The following CPLANE1 variants were observed in gnomAD, a reference collection of about 807,000 sequenced individuals.
CPLANE1 encodes the protein ciliogenesis and planar polarity effector complex subunit 1.
CPLANE1 carries 263 observed loss-of-function variants against 362.5 expected under a neutral mutation model. The observed-to-expected ratio is 0.73, with a 90% CI of 0.66 to 0.80. CPLANE1 has a LOEUF of 0.80. Among genes scored for constraint, CPLANE1 ranks in the 30% least tolerant of loss-of-function variants. The pLI, the probability that CPLANE1 is intolerant of heterozygous loss-of-function variation, is 0.00. For synonymous variants in CPLANE1, 1,212 were observed against 1,302.6 expected (o/e 0.93, Z 1.50); for missense variants, 3,461 against 3,793.4 (o/e 0.91, Z 2.30).
chr5:37,139,961 T>C, intron 44 of CPLANE1: 4 of 978,246 alleles, frequency 4.1e-6, no homozygotes, highest in Non-Finnish European at 4.9e-6. Context: ...ATTTACTTTA[T>C]AAAATATACA....
chr5:37,224,525 T>C lies in CPLANE1; in HGVS notation c.2500+7A>G. 1 of 1,526,192 alleles carries C rather than the reference T, an allele frequency of 6.6e-7. No individual in the cohort carries two copies. The highest frequency in any genetic ancestry group is 2.0e-5 in the Admixed American group (1 of 50,912). 94.5% of individuals were successfully genotyped at this position (1,526,192 alleles called of 1,614,324 possible). Reference sequence around the variant, plus strand: ...ATGGAGTTAGAAAATATTCATAAGATACTGACCATTGATAGATTTAAGTTC... The same window carrying C: ...ATGGAGTTAGAAAATATTCATAAGACACTGACCATTGATAGATTTAAGTTC... On this transcript the variant is annotated splice_region_variant and intron_variant, in intron 13 of 52. Transcript: ENST00000651892.
downstream of CPLANE1, among the ~76,000 whole-genome samples, chr5:37,101,489 G>C (rs1000282761): frequency 6.6e-6 from 1 of 152,146 alleles, no homozygotes; most frequent in East Asian, 1.9e-4. Context: ...ATGTGCTGCT[G>C]GATTTGGTTT....
Position 37,183,594 on chromosome 5 carries a change from C to T in CPLANE1, c.4587G>A (p.Lys1529=), listed in dbSNP as rs754449555. The T allele has an allele frequency of 6.2e-7, 1 of 1,612,514 alleles. No homozygotes were observed. Among genetic ancestry groups the T allele is most frequent in the Non-Finnish European group, 8.5e-7 (1 of 1,179,140 alleles). The change falls in exon 26 of 53, where the codon AAG becomes AAA. Residue 1529 remains lysine, a synonymous_variant. Transcript: ENST00000651892. ...ENPTKKEDHE[K]LSQNTLPVIG... is the part of the protein sequence containing the mutation. Reference sequence around the variant, plus strand: ...TTACAGGAAGTGTATTTTGTGATAACTTTTCATGATCTTCTTTCTTTGTAG... The same window carrying T: ...TTACAGGAAGTGTATTTTGTGATAATTTTTCATGATCTTCTTTCTTTGTAG...
chr5:37,134,109 C>T (rs554006977), intron 46 of CPLANE1, among the ~76,000 whole-genome samples: 73 of 152,128 alleles, frequency 4.8e-4, no homozygotes, highest in Non-Finnish European at 9.0e-4. Flanking sequence ...TTATTTTTTC[C>T]TTGGGTCTTC....
chr5:37,122,769 C>T (rs1763026022), intron 47 of CPLANE1, among the ~76,000 whole-genome samples: 1 of 152,086 alleles, frequency 6.6e-6, no homozygotes, highest in African/African-American at 2.4e-5. Context: ...CAAAAATTAG[C>T]TGGGCATGTG....
At position 37,168,916 on chromosome 5, in the gene CPLANE1, T is replaced by C. The variant is rs1561474535; in HGVS notation, c.7108A>G (p.Asn2370Asp). 3.7e-6 allele frequency: 6 copies of C among 1,614,134 alleles called. No homozygotes were observed. The East Asian group carries it at 6.7e-5, about 18-fold the overall frequency. Residue 2370 changes from asparagine (N) to aspartate (D), a missense_variant, in exon 34 of 53, where the codon AAT (asparagine) becomes GAT (aspartate). Around this residue, in one of 2 missense-constraint regions of CPLANE1, gnomAD observed 3,380 missense variants for 3,666.1 expected, o/e 0.92. Transcript: ENST00000651892. ...GCTCTTGAGGTTGATGGAAACATAT[T>C]AGGAGGTTTAAGTGGCAGGTATAGT... Reference protein sequence around the residue: ...PLLYLPLKPPNMFPSTSRASI... With the variant: ...PLLYLPLKPPDMFPSTSRASI...
intron 6 of CPLANE1, among the ~76,000 whole-genome samples, chr5:37,240,778 C>T (rs1800224681): frequency 6.6e-6 from 1 of 152,104 alleles, no homozygotes; most frequent in South Asian, 2.1e-4. Flanking sequence ...TGCAGATTAG[C>T]TAAATAAATT....
intron 50 of CPLANE1, among the ~76,000 whole-genome samples, chr5:37,115,344 G>A (rs993463783): frequency 1.3e-5 from 2 of 152,146 alleles, no homozygotes; most frequent in African/African-American, 4.8e-5. Context: ...AAAAGCTAGG[G>A]ACATAATAAG....
chr5:37,132,446 G>A (rs867175082), intron 46 of CPLANE1, among the ~76,000 whole-genome samples: 6 of 141,368 alleles, frequency 4.2e-5, no homozygotes, highest in Admixed American at 7.8e-5. Context: ...CCAAGTTCAC[G>A]CCATTCTCCT....
intron 44 of CPLANE1, 28 bp from the exon 45 acceptor site, chr5:37,139,398 A>C: frequency 8.7e-7 from 1 of 1,148,640 alleles, no homozygotes; most frequent in Non-Finnish European, 1.2e-6. Context: ...ATTAATAAAA[A>C]TTTTGGGTTT....
At chr5:37,121,158 A>G (rs1762502072) in intron 49 of CPLANE1, among the ~76,000 whole-genome samples, 1 of 152,210 alleles carries the variant, frequency 6.6e-6, no homozygotes, top group Admixed American at 6.5e-5. Context: ...TGATTAAAGT[A>G]AAATACATAA....
At chr5:37,153,174 AGCTG>A (rs1774046666) in intron 42 of CPLANE1, among the ~76,000 whole-genome samples, 1 of 152,182 alleles carries the variant, frequency 6.6e-6, no homozygotes, top group South Asian at 2.1e-4. Context: ...GCAGAAGATC[AGCTG>A]AATAGCCCTA....
chr5:37,222,599 T>C (rs180824114), intron 14 of CPLANE1, among the ~76,000 whole-genome samples: 1 of 152,316 alleles, frequency 6.6e-6, no homozygotes, highest in East Asian at 1.9e-4. Context: ...ATGGATGTAG[T>C]TGTAAATGAA....
intron 23 of CPLANE1, among the ~76,000 whole-genome samples, chr5:37,187,004 T>C (rs1194352375): frequency 2.3e-5 from 3 of 132,560 alleles, no homozygotes; most frequent in Non-Finnish European, 4.5e-5. Flanking sequence ...GAGCTTGCAG[T>C]GAGCCGAGAT....
At position 37,106,832 on chromosome 5, in the gene CPLANE1, A is replaced by C. The variant is rs1216154904; in HGVS notation, c.*770T>G. 3 of 980,826 alleles carry C rather than the reference A, an allele frequency of 3.1e-6. No homozygotes were observed. The highest frequency in any genetic ancestry group is 3.6e-6 in the Non-Finnish European group (3 of 825,844). The allele number at this position is 980,826 out of a possible 1,614,324, so 60.8% of individuals were successfully genotyped here. ...AACATTGATGAAGTAGTTGAAGGAT[A>C]CTGGTTCTTAGTCAATTCTCATAAA... is the stretch of plus-strand genomic sequence containing the variant. On this transcript the variant is annotated 3_prime_UTR_variant, in exon 53 of 53. Transcript: ENST00000651892.
downstream of CPLANE1, among the ~76,000 whole-genome samples, chr5:37,105,203 G>A (rs540847818): frequency 1.9e-4 from 29 of 152,074 alleles, no homozygotes; most frequent in Admixed American, 9.2e-4. Context: ...GGGTAGTCGA[G>A]GTGGGAGGAT....
chr5:37,244,682 T>C, intron 4 of CPLANE1, 75 bp from the exon 5 acceptor site: 1 of 838,134 alleles, frequency 1.2e-6, no homozygotes, highest in Non-Finnish European at 1.8e-6. Flanking sequence ...AATTTATGTA[T>C]TCTTACAATA....
chr5:37,175,613 A>C (rs909626201), intron 31 of CPLANE1, among the ~76,000 whole-genome samples: 2 of 152,230 alleles, frequency 1.3e-5, no homozygotes, highest in African/African-American at 2.4e-5. Context: ...TTAGAAGCTG[A>C]AAATGAGCAA....
rs1401548587 is a variant in CPLANE1, at chr5:37,201,733, T to C, written c.3365A>G (p.Asp1122Gly). The change falls in exon 19 of 53, where the codon GAT (aspartate) becomes GGT (glycine). Residue 1122 changes from aspartate (D) to glycine (G), a missense_variant. Asp to Gly is a moderately conservative substitution (Grantham distance 94). Transcript: ENST00000651892. ...QEVLKASVMA[D>G]ADILSETFQL... ...AAATGTCTCCGAAAGAATATCTGCA[T>C]CGGCCATAACTGATGCTTTCAGTAC... The C allele has an allele frequency of 6.2e-7, 1 of 1,614,142 alleles. No homozygotes were observed.
Sources: allele counts gnomAD v4.1 joint callset (sites outside exome capture counted in the v4.1 genomes callset), GRCh38; gene constraint gnomAD v4.1.1; regional missense constraint gnomAD v4.1.1; transcripts MANE v1.5; gene names NCBI Gene and HGNC (gene_info 2026-07-23, HGNC 2026-07-21).